Variants in MEMO1 observed in about 807,000 individuals in gnomAD.
The protein encoded by MEMO1 is protein MEMO1.
Under a neutral mutation model 45.2 loss-of-function variants are expected in MEMO1, and 6 were observed. The observed-to-expected ratio is 0.13, with a 90% CI of 0.07 to 0.26. The LOEUF (loss-of-function observed/expected upper bound fraction) is 0.26. Ranked by LOEUF, MEMO1 falls within the 10% of genes least tolerant of loss-of-function variation. The pLI, the probability that MEMO1 is intolerant of heterozygous loss-of-function variation, is 1.00. For synonymous variants in MEMO1, 78 were observed against 124.3 expected (o/e 0.63, Z 2.48); for missense variants, 184 against 370.5 (o/e 0.50, Z 4.13).
At chr2:31,938,316 T>C (rs968397406) in intron 3 of MEMO1, among the ~76,000 whole-genome samples, 1 of 151,968 alleles carries the variant, frequency 6.6e-6, no homozygotes, top group African/African-American at 2.4e-5. Flanking sequence ...TATTTAAGGT[T>C]TCCATGATAT....
rs375467460 is a variant in MEMO1, at chr2:31,965,813, C to CT, written c.62-22431dup. On this transcript the variant is annotated intron_variant, in intron 2 of 9. Transcript: ENST00000404530. ...GGGAGGGGAACAAACACACTGTGGC[C>CT]TGTCAGGGGGTTGTGGGAGGGACAG... Among the ~76,000 whole-genome samples the CT allele has an allele frequency of 3.5e-4, 54 of 152,122 alleles. No individual in the cohort carries two copies. The East Asian group carries it at 9.7e-3, about 27-fold the overall frequency.
At chr2:32,000,041 C>T (rs1026536392) in intron 2 of MEMO1, among the ~76,000 whole-genome samples, 1 of 151,882 alleles carries the variant, frequency 6.6e-6, no homozygotes, top group African/African-American at 2.4e-5. Flanking sequence ...CACATCACTA[C>T]ATCCAGCTAA....
chr2:31,877,276 A>T (rs1259182423), intron 8 of MEMO1, among the ~76,000 whole-genome samples: 1 of 152,204 alleles, frequency 6.6e-6, no homozygotes, highest in Non-Finnish European at 1.5e-5. Flanking sequence ...TACCTAGAAT[A>T]AAAATACAGC....
intron 2 of MEMO1, among the ~76,000 whole-genome samples, chr2:31,966,718 G>GC (rs1340612171): frequency 4.6e-5 from 4 of 87,732 alleles, no homozygotes; most frequent in African/African-American, 1.5e-4. Context: ...GGGTAACAGA[G>GC]CAAGACTCTG....
chr2:31,926,008 T>C (rs940293226), intron 4 of MEMO1, among the ~76,000 whole-genome samples: 3 of 152,178 alleles, frequency 2.0e-5, no homozygotes, highest in Non-Finnish European at 4.4e-5. Context: ...AAATTTTTAC[T>C]TCAAAAGACA....
chr2:32,009,386 G>A (rs533514790), intron 2 of MEMO1, among the ~76,000 whole-genome samples: 2 of 149,266 alleles, frequency 1.3e-5, no homozygotes, highest in East Asian at 2.0e-4. Flanking sequence ...CAAGCCCCTA[G>A]CTTAGCAGTA....
chr2:31,991,207 A>G (rs1671901960), intron 2 of MEMO1, among the ~76,000 whole-genome samples: 2 of 152,316 alleles, frequency 1.3e-5, no homozygotes, highest in Middle Eastern at 6.8e-3. Context: ...GCAACCACCT[A>G]TAAGGGAAGG....
intron 7 of MEMO1, 141 bp downstream of exon 7, chr2:31,891,851 T>C (rs1677032031): frequency 8.3e-6 from 7 of 842,040 alleles, no homozygotes; most frequent in Non-Finnish European, 1.9e-6. Flanking sequence ...AGATTTTTTA[T>C]TCACTTTTAA....
intron 2 of MEMO1, among the ~76,000 whole-genome samples, chr2:31,949,957 T>C (rs1293605280): frequency 6.6e-6 from 1 of 152,182 alleles, no homozygotes; most frequent in African/African-American, 2.4e-5. Flanking sequence ...ACCATCAATA[T>C]TTGGGTGCAC....
At chr2:31,967,618 A>AT (rs1392779931) in intron 2 of MEMO1, among the ~76,000 whole-genome samples, 5 of 151,644 alleles carry the variant, frequency 3.3e-5, no homozygotes, top group Admixed American at 1.3e-4. Flanking sequence ...CTGGCTAATT[A>AT]TTTTTTGTAG....
intron 8 of MEMO1, 77 bp from the exon 9 acceptor site, chr2:31,870,029 A>G (rs1673462121): frequency 5.4e-6 from 6 of 1,120,142 alleles, no homozygotes. Context: ...ATTATATTTT[A>G]AAACTGTTAC....
rs529291710 is a variant in MEMO1 at position 31,877,967 on chromosome 2, C to T, written c.657+5419G>A. ...ACTATTCTAGGCACTTTGTATACAT[C>T]GGAGAACAAAACAAATATCCTGATT... On this transcript the variant is annotated intron_variant, in intron 8 of 9. Coordinates refer to ENST00000404530, the MANE Select transcript of MEMO1 (RefSeq NM_001301833.4). Among the ~76,000 whole-genome samples, 120 of 152,150 alleles carry T rather than the reference C, an allele frequency of 7.9e-4. 1 individual carries two copies. Among genetic ancestry groups the T allele is most frequent in the African/African-American group, 2.6e-3 (110 of 41,512 alleles).
chr2:31,959,272 CTG>C (rs1667733133), intron 2 of MEMO1, among the ~76,000 whole-genome samples: 1 of 152,106 alleles, frequency 6.6e-6, no homozygotes, highest in African/African-American at 2.4e-5. Context: ...TAAGAGCCAT[CTG>C]AACGTGGACT....
chr2:31,937,751 T>C (rs1665088944), intron 3 of MEMO1, among the ~76,000 whole-genome samples: 1 of 152,216 alleles, frequency 6.6e-6, no homozygotes, highest in Non-Finnish European at 1.5e-5. Context: ...TATCAAGTAT[T>C]TTAAATGTAT....
intron 2 of MEMO1, among the ~76,000 whole-genome samples, chr2:31,986,190 C>A (rs534358573): frequency 6.6e-6 from 1 of 152,056 alleles, no homozygotes; most frequent in Admixed American, 6.6e-5. Flanking sequence ...GTCAGGTGGT[C>A]GAGACCATCC....
At chr2:32,000,039 T>A (rs144177351) in intron 2 of MEMO1, among the ~76,000 whole-genome samples, 5 of 151,780 alleles carry the variant, frequency 3.3e-5, no homozygotes, top group African/African-American at 1.2e-4. Context: ...AGCACATCAC[T>A]ACATCCAGCT....
intron 2 of MEMO1, among the ~76,000 whole-genome samples, chr2:32,002,819 G>A (rs1336154728): frequency 6.6e-6 from 1 of 152,188 alleles, no homozygotes; most frequent in Non-Finnish European, 1.5e-5. Flanking sequence ...CAGTGAAGGA[G>A]ATGATTTTGA....
In MEMO1 at chr2:32,006,530, T is replaced by C. The variant is rs72862203; in HGVS notation, c.61+3657A>G. On this transcript the variant is annotated intron_variant, in intron 2 of 9. Transcript: ENST00000404530. Reference sequence around the variant, plus strand: ...ACAGTCTCTACAGCATTTCATGTTTTTGTTTGTTTTTTAAACAACCCATTA... The same window carrying C: ...ACAGTCTCTACAGCATTTCATGTTTCTGTTTGTTTTTTAAACAACCCATTA... Among the ~76,000 whole-genome samples the C allele has an allele frequency of 2.8e-3, 432 of 152,220 alleles. 4 individuals are homozygous for C. Among genetic ancestry groups the C allele is most frequent in the African/African-American group, 9.8e-3 (408 of 41,510 alleles).
In MEMO1 at chr2:31,930,557, G is replaced by A. The variant is rs184397464; in HGVS notation, c.212+1510C>T. Among the ~76,000 whole-genome samples, 487 of 152,088 alleles carry A rather than the reference G, an allele frequency of 3.2e-3. 3 individuals are homozygous for A. Among genetic ancestry groups the A allele is most frequent in the Non-Finnish European group, 5.5e-3 (372 of 67,976 alleles). Reference sequence around the variant, plus strand: ...TCAATAAAACTTCTGCCAAATAGAGGAAGGTTTCAAAAAGAAAAGGCTGTT... The same window carrying A: ...TCAATAAAACTTCTGCCAAATAGAGAAAGGTTTCAAAAAGAAAAGGCTGTT... On this transcript the variant is annotated intron_variant, in intron 4 of 9. Coordinates refer to ENST00000404530, the MANE Select transcript of MEMO1 (RefSeq NM_001301833.4).
Sources: allele counts gnomAD v4.1 joint callset (sites outside exome capture counted in the v4.1 genomes callset), GRCh38; gene constraint gnomAD v4.1.1; transcripts MANE v1.5; gene names NCBI Gene and HGNC (gene_info 2026-07-23, HGNC 2026-07-21).